UPF2: variants seen among roughly 807,000 people sequenced by gnomAD.
UPF2 encodes the protein regulator of nonsense transcripts 2.
A neutral mutation model predicts 141.4 loss-of-function variants in UPF2; 17 were observed. The ratio of observed to expected loss-of-function variants is 0.12; its 90% CI spans 0.08 to 0.18. The LOEUF is 0.18. Ranked by LOEUF, UPF2 falls within the 10% of genes least tolerant of loss-of-function variation. UPF2 has a pLI of 1.00. For synonymous variants in UPF2, 540 were observed against 498.0 expected, an observed-to-expected ratio of 1.08 and a Z score of -1.12; for missense variants, 1,152 against 1,515.9, an observed-to-expected ratio of 0.76 and a Z score of 3.99.
chr10:11,934,468 G>C (rs148008594), intron 19 of UPF2, among the ~76,000 whole-genome samples: 1 of 152,244 alleles, frequency 6.6e-6, no homozygotes, highest in South Asian at 2.1e-4. Flanking sequence ...CTGGAGGCAA[G>C]GCCGGACGAT....
At chr10:12,037,079 T>G (rs1834639356) in intron 1 of UPF2, among the ~76,000 whole-genome samples, 1 of 152,026 alleles carries the variant, frequency 6.6e-6, no homozygotes, top group Non-Finnish European at 1.5e-5. Flanking sequence ...TTACCTAAAT[T>G]TCTTAGTTTT....
intron 15 of UPF2, among the ~76,000 whole-genome samples, chr10:11,949,771 C>G (rs1044804671): frequency 2.0e-5 from 3 of 152,108 alleles, no homozygotes; most frequent in African/African-American, 7.2e-5. Flanking sequence ...AATAACATTG[C>G]CAATTACCAT....
Position 11,975,751 on chromosome 10 carries a change from C to T in UPF2, c.1953+3306G>A, listed in dbSNP as rs190250063. 1.6e-3 allele frequency among the ~76,000 whole-genome samples: 247 copies of T among 151,964 alleles called. 1 individual carries two copies. The highest frequency in any genetic ancestry group is 5.4e-3 in the African/African-American group (223 of 41,454). On this transcript the variant is annotated intron_variant, in intron 9 of 21. Transcript: ENST00000357604. ...AGGCTGGTCTCGAACTCCCAACCTC[C>T]GGTAATCCACCCGCCTTGGCCTCCC...
intron 14 of UPF2, among the ~76,000 whole-genome samples, 167 bp from the exon 15 acceptor site, chr10:11,952,416 C>A (rs538307828): frequency 6.6e-6 from 1 of 150,828 alleles, no homozygotes; most frequent in Non-Finnish European, 1.5e-5. Flanking sequence ...CTATTCCAAT[C>A]ATTTCCCTCT....
chr10:12,040,773 G>A (rs964729183), intron 1 of UPF2, among the ~76,000 whole-genome samples: 2 of 152,196 alleles, frequency 1.3e-5, no homozygotes, highest in Non-Finnish European at 2.9e-5. Flanking sequence ...TTATCAATAA[G>A]ATGGATATAC....
intron 10 of UPF2, among the ~76,000 whole-genome samples, chr10:11,967,008 T>C (rs59645659): frequency 0.06 from 9,116 of 152,266 alleles, 327 homozygotes; most frequent in Non-Finnish European, 0.085. Context: ...TTTTCCCCAT[T>C]TTTTTATTTA....
intron 9 of UPF2, among the ~76,000 whole-genome samples, chr10:11,969,738 T>C (rs1833384450): frequency 6.6e-6 from 1 of 152,222 alleles, no homozygotes; most frequent in Non-Finnish European, 1.5e-5. Flanking sequence ...GTGTGCACTG[T>C]GGACCAGTTT....
chr10:12,009,074 C>A (rs1834086325), intron 4 of UPF2, among the ~76,000 whole-genome samples: 1 of 152,092 alleles, frequency 6.6e-6, no homozygotes, highest in Admixed American at 6.5e-5. Context: ...ACCACATTTT[C>A]TCTATCTAGT....
Position 12,016,501 on chromosome 10 carries a change from C to T in UPF2, c.1146-2317G>A, listed in dbSNP as rs903773823. Among the ~76,000 whole-genome samples, 3 of 151,330 alleles carry T rather than the reference C, an allele frequency of 2.0e-5. No individual in the cohort carries two copies. The highest frequency in any genetic ancestry group is 7.3e-5 in the African/African-American group (3 of 41,194). ...ACAAGGTCAGGAGTTTGAGACCAGC[C>T]TGGCCAATATGGTGAAACTCTGTCT... is the stretch of plus-strand genomic sequence containing the variant. On this transcript the variant is annotated intron_variant, in intron 3 of 21. Coordinates refer to ENST00000357604, the MANE Select transcript of UPF2 (RefSeq NM_015542.4). The surrounding 1 kb of genome is among the most constrained non-coding windows in gnomAD (Gnocchi z 4.1).
intron 8 of UPF2, among the ~76,000 whole-genome samples, chr10:11,981,048 G>A (rs1833583145): frequency 6.6e-6 from 1 of 152,040 alleles, no homozygotes; most frequent in Non-Finnish European, 1.5e-5. Context: ...ATTTAGCTGG[G>A]TGCGGTGGCA....
At chr10:11,933,848 A>T (rs1832810904) in intron 19 of UPF2, among the ~76,000 whole-genome samples, 1 of 152,226 alleles carries the variant, frequency 6.6e-6, no homozygotes. Context: ...GTACAATCTG[A>T]CCTTCAAAAA....
At chr10:11,957,841 C>T (rs1355375264) in intron 12 of UPF2, among the ~76,000 whole-genome samples, 2 of 152,042 alleles carry the variant, frequency 1.3e-5, no homozygotes, top group Non-Finnish European at 2.9e-5. Flanking sequence ...AAAATAAAAT[C>T]ATTAATTTCC....
chr10:11,955,500 T>C lies in UPF2; in HGVS notation c.2582A>G (p.Gln861Arg), dbSNP rs1294141196. 6.2e-7 allele frequency: 1 copy of C among 1,609,554 alleles called. No homozygotes were observed. Among genetic ancestry groups the C allele is most frequent in the Non-Finnish European group, 8.5e-7 (1 of 1,177,896 alleles). ...EDIRLGMEVNQPKFNQRRISS... is the reference protein window; with the variant it reads ...EDIRLGMEVNRPKFNQRRISS... ...GATGCGCCTCTGATTAAATTTAGGT[T>C]GATTAACCTAAAAGGCAACAAAACC... The change falls in exon 14 of 22, where the codon CAA becomes CGA. Residue 861 changes from glutamine to arginine, a missense_variant. Coordinates refer to ENST00000357604, the MANE Select transcript of UPF2 (RefSeq NM_015542.4).
chr10:11,978,285 G>C (rs1833539208), intron 9 of UPF2, among the ~76,000 whole-genome samples: 1 of 152,178 alleles, frequency 6.6e-6, no homozygotes, highest in South Asian at 2.1e-4. Flanking sequence ...ATGATAAAGC[G>C]AAGTTTTGTA....
intron 3 of UPF2, among the ~76,000 whole-genome samples, chr10:12,023,033 A>G (rs142317784): frequency 1.1e-4 from 17 of 152,348 alleles, no homozygotes; most frequent in African/African-American, 4.1e-4. Context: ...AAAAAGGAAT[A>G]AAGATATTTT....
chr10:11,973,931 G>A (rs1833461676), intron 9 of UPF2, among the ~76,000 whole-genome samples: 1 of 152,146 alleles, frequency 6.6e-6, no homozygotes, highest in African/African-American at 2.4e-5. Context: ...GAAAGTCTTT[G>A]GTAGTTTGAT....
At chr10:11,924,771 T>C (rs1441202770) in intron 21 of UPF2, among the ~76,000 whole-genome samples, 1 of 152,106 alleles carries the variant, frequency 6.6e-6, no homozygotes, top group African/African-American at 2.4e-5. Flanking sequence ...TACTTTATAA[T>C]CAGTTTCCAA....
intron 3 of UPF2, among the ~76,000 whole-genome samples, chr10:12,022,708 T>G (rs1284417188): frequency 6.6e-6 from 1 of 152,176 alleles, no homozygotes; most frequent in Non-Finnish European, 1.5e-5. Flanking sequence ...AACTACCAAT[T>G]AAACAACCTA....
At chr10:11,946,495 T>C (rs113231074) in intron 16 of UPF2, among the ~76,000 whole-genome samples, 4 of 152,354 alleles carry the variant, frequency 2.6e-5, no homozygotes, top group African/African-American at 7.2e-5. Flanking sequence ...AAAGTGAAAT[T>C]AAATTTCCCC....
Sources: allele counts gnomAD v4.1 joint callset (sites outside exome capture counted in the v4.1 genomes callset), GRCh38; gene constraint gnomAD v4.1.1; non-coding constraint Gnocchi (gnomAD v3.1); transcripts MANE v1.5; gene names NCBI Gene and HGNC (gene_info 2026-07-23, HGNC 2026-07-21).